The following LOXL4 variants were observed in gnomAD, a reference collection of about 807,000 sequenced individuals.
LOXL4 encodes lysyl oxidase homolog 4.
Under a neutral mutation model 89.1 loss-of-function variants are expected in LOXL4, and 72 were observed. The ratio of observed to expected loss-of-function variants is 0.81; its 90% confidence interval spans 0.67 to 0.98. The LOEUF is 0.98. LOXL4 is among the 50% of genes least tolerant of loss of function. The probability of loss-of-function intolerance (pLI) is 0.00; values close to 1 mark genes in which losing one functional copy is unlikely to be tolerated. For missense variants in LOXL4, 984 were observed against 1,017.5 expected, an observed-to-expected ratio of 0.97 and a Z score of 0.45; for synonymous variants, 355 against 392.1, an observed-to-expected ratio of 0.91 and a Z score of 1.12.
intron 6 of LOXL4, 56 bp from the exon 7 acceptor site, chr10:98,258,220 G>A: frequency 6.5e-7 from 1 of 1,528,342 alleles, no homozygotes; most frequent in Non-Finnish European, 8.8e-7. Context: ...AGCAGGGGCT[G>A]AGCCCCCACA....
At chr10:98,249,053 A>G in intron 14 of LOXL4, 62 bp from the exon 15 acceptor site, 2 of 1,290,268 alleles carry the variant, frequency 1.6e-6, no homozygotes, top group Non-Finnish European at 2.2e-6. Flanking sequence ...TTCCCTGACA[A>G]CTTACATAGA....
chr10:98,259,628 G>A (rs1384568569), intron 4 of LOXL4, among the ~76,000 whole-genome samples, 199 bp from the exon 5 acceptor site: 2 of 152,206 alleles, frequency 1.3e-5, no homozygotes, highest in Admixed American at 1.3e-4. Context: ...TACAAGGAAG[G>A]CAAGCAAGGT....
At chr10:98,251,828 C>T (rs1564755428) in intron 12 of LOXL4, 126 bp from the exon 13 acceptor site, 1 of 1,177,640 alleles carries the variant, frequency 8.5e-7, no homozygotes, top group Admixed American at 2.5e-5. Context: ...AGCTAGAATC[C>T]TGCTGTGAAT....
intron 8 of LOXL4, among the ~76,000 whole-genome samples, chr10:98,257,264 CCT>C (rs201881907): frequency 0.016 from 2,466 of 152,306 alleles, 78 homozygotes; most frequent in African/African-American, 0.055. Flanking sequence ...ACAGTGACCC[CCT>C]GAGAGCGTGA....
At position 98,253,617 on chromosome 10, in the gene LOXL4, G is replaced by A. The variant is rs1353640601; in HGVS notation, c.1771C>T (p.Leu591=). The A allele has an allele frequency of 6.2e-7, 1 of 1,614,156 alleles. No individual in the cohort carries two copies. Among genetic ancestry groups the A allele is most frequent in the Admixed American group, 1.7e-5 (1 of 60,018 alleles). Residue 591 remains leucine, a synonymous_variant, in exon 11 of 15, where the codon CTG becomes TTG. Coordinates refer to ENST00000260702, the MANE Select transcript of LOXL4 (RefSeq NM_032211.7). ...TTTGGACGAAAGTCAGTCCGGCCCAGATTGTAGATCTGTGTGGAGAAGCGC... is the reference window on the plus strand; with the variant it reads ...TTTGGACGAAAGTCAGTCCGGCCCAAATTGTAGATCTGTGTGGAGAAGCGC... ...LLRFSTQIYN[L]GRTDFRPKTG... is the part of the protein sequence containing the mutation.
At chr10:98,267,633 G>T (rs1022004121) in intron 1 of LOXL4, among the ~76,000 whole-genome samples, 1 of 152,124 alleles carries the variant, frequency 6.6e-6, no homozygotes, top group African/African-American at 2.4e-5. Flanking sequence ...AGCTGTACCT[G>T]TCCAGGCTAG....
At chr10:98,255,431 T>G in intron 10 of LOXL4, 146 bp downstream of exon 10, 1 of 849,816 alleles carries the variant, frequency 1.2e-6, no homozygotes, top group South Asian at 2.2e-5. Context: ...GATGGGTGAT[T>G]TGGCCACACA....
chr10:98,253,189 T>A (rs1174122794), intron 11 of LOXL4, among the ~76,000 whole-genome samples: 1 of 152,238 alleles, frequency 6.6e-6, no homozygotes, highest in African/African-American at 2.4e-5. Context: ...GGGATGTCTA[T>A]TTTGGGCCCC....
chr10:98,265,529 A>G lies in LOXL4; in HGVS notation c.-32-2478T>C, dbSNP rs1367657161. On this transcript the variant is annotated intron_variant, in intron 1 of 14. Coordinates refer to ENST00000260702, the MANE Select transcript of LOXL4 (RefSeq NM_032211.7). Reference sequence around the variant, plus strand: ...AGTGATTATCTTGCCTTAGCCTCCCAAGTAGCTGGGATTACAGGCATGCGC... The same window carrying G: ...AGTGATTATCTTGCCTTAGCCTCCCGAGTAGCTGGGATTACAGGCATGCGC... Among the ~76,000 whole-genome samples, 2 of 129,314 alleles carry G rather than the reference A, an allele frequency of 1.5e-5. 1 individual carries two copies. The highest frequency in any genetic ancestry group is 3.5e-5 in the Non-Finnish European group (2 of 57,886). The allele number at this position is 129,314 out of a possible 152,430, so 84.8% of individuals were successfully genotyped here. A position where few individuals can be genotyped will look rare whatever the true frequency, so the allele number is the denominator to read the frequency against.
intron 6 of LOXL4, 51 bp from the exon 7 acceptor site, chr10:98,258,215 G>A: frequency 6.5e-7 from 1 of 1,542,200 alleles, no homozygotes. Context: ...GCACCAGCAG[G>A]GGCTGAGCCC....
In LOXL4 at chr10:98,261,230, G is replaced by T; in HGVS notation, c.457-103C>A. The T allele has an allele frequency of 4.8e-6, 6 of 1,251,226 alleles. No homozygotes were observed. The South Asian group carries it at 6.6e-5, about 14-fold the overall frequency. The allele number at this position is 1,251,226 out of a possible 1,614,324, so 77.5% of individuals were successfully genotyped here. ...AAGGCTGGGGCTTGGAGCTTTTCGA[G>T]ACCATCCCACCCAGCCCGGTCATTG... On this transcript the variant is annotated intron_variant, in intron 3 of 14. Transcript: ENST00000260702.
intron 9 of LOXL4, 44 bp from the exon 10 acceptor site, chr10:98,255,783 T>C (rs749920790): frequency 6.3e-7 from 1 of 1,585,906 alleles, no homozygotes. Flanking sequence ...GCCTTTGGAG[T>C]CACCTCCTGA....
In LOXL4 at chr10:98,248,215, AG is replaced by A. The variant is rs1414978016; in HGVS notation, c.*705del. The A allele has an allele frequency of 6.6e-6, 1 of 152,198 alleles. No individual in the cohort carries two copies. Among genetic ancestry groups the A allele is most frequent in the Non-Finnish European group, 1.5e-5 (1 of 68,100 alleles). The allele number at this position is 152,198 out of a possible 1,614,324, so 9.4% of individuals were successfully genotyped here. Reference sequence around the variant, plus strand: ...GGCCTACTCTTGCTGCTCTGTAGGAAGGCCCTATCTGGCCATTTCTGTGAAA... The same window carrying A: ...GGCCTACTCTTGCTGCTCTGTAGGAAGCCCTATCTGGCCATTTCTGTGAAA... On this transcript the variant is annotated 3_prime_UTR_variant, in exon 15 of 15. Transcript: ENST00000260702.
In LOXL4 at chr10:98,257,733, G is replaced by A. The variant is rs927228256; in HGVS notation, c.1177C>T (p.Leu393=). Residue 393 remains leucine (L), a synonymous_variant, in exon 8 of 15, where the codon CTG becomes TTG. Transcript: ENST00000260702. ...TGGCAACCATTCTGGGACCCTTCCA[G>A]GGCAGGGCAGTCGCTGAGGGTCCGC... ...YERTLSDCPA[L]EGSQNGCQHE... 6.2e-7 allele frequency: 1 copy of A among 1,614,110 alleles called. No homozygotes were observed. The highest frequency in any genetic ancestry group is 1.1e-5 in the South Asian group (1 of 91,082).
intron 11 of LOXL4, 85 bp from the exon 12 acceptor site, chr10:98,252,553 C>T (rs1858228113): frequency 1.1e-6 from 1 of 895,936 alleles, no homozygotes. Flanking sequence ...AGGCCCCAGG[C>T]CCCATCATGA....
intron 13 of LOXL4, 30 bp downstream of exon 13, chr10:98,251,536 G>C (rs769239402): frequency 6.2e-7 from 1 of 1,611,498 alleles, no homozygotes; most frequent in East Asian, 2.2e-5. Context: ...AGGAAATCAG[G>C]CTCTGTGGGG....
At chr10:98,260,868 G>A in intron 4 of LOXL4, 54 bp downstream of exon 4, 2 of 1,537,670 alleles carry the variant, frequency 1.3e-6, no homozygotes, top group Non-Finnish European at 1.8e-6. Flanking sequence ...CACACACTCA[G>A]TCCCTGCCCC....
In LOXL4 at chr10:98,251,165, G is replaced by T. The variant is rs192574171; in HGVS notation, c.2100C>A (p.Asn700Lys). Reference protein sequence around the residue: ...PGNYIFQVIVNPHYEVAESDF... With the variant: ...PGNYIFQVIVKPHYEVAESDF... Reference sequence around the variant, plus strand: ...CTGACTCTGCCACTTCATAGTGGGGGTTCACAATCACCTAGAGTGAAAGAG... The same window carrying T: ...CTGACTCTGCCACTTCATAGTGGGGTTTCACAATCACCTAGAGTGAAAGAG... The change falls in exon 14 of 15, where the codon AAC becomes AAA. Residue 700 changes from asparagine to lysine, a missense_variant. Coordinates refer to ENST00000260702, the MANE Select transcript of LOXL4 (RefSeq NM_032211.7). 3.7e-6 allele frequency: 6 copies of T among 1,612,968 alleles called. No homozygotes were observed. In the African/African-American group the frequency reaches 5.3e-5, roughly 14 times the overall value.
intron 10 of LOXL4, 57 bp from the exon 11 acceptor site, chr10:98,253,853 G>A: frequency 6.2e-7 from 1 of 1,606,410 alleles, no homozygotes; most frequent in Non-Finnish European, 8.5e-7. Flanking sequence ...GCCAGTCTTA[G>A]TCTCCAGCAC....
Sources: gnomAD v4.1 joint callset for allele counts (sites outside exome capture counted in the v4.1 genomes callset) on GRCh38, gnomAD v4.1.1 for gene constraint, MANE v1.5 for transcripts, NCBI Gene and HGNC (gene_info 2026-07-23, HGNC 2026-07-21) for gene names.